The following IL1RAPL2 variants were observed in gnomAD, a reference collection of about 807,000 sequenced individuals.
IL1RAPL2 encodes the protein interleukin 1 receptor accessory protein like 2, also known as X-linked interleukin-1 receptor accessory protein-like 2.
A neutral mutation model predicts 44.1 loss-of-function variants in IL1RAPL2; 3 were observed. The observed-to-expected ratio is 0.07, with a 90% confidence interval of 0.03 to 0.18. The LOEUF (loss-of-function observed/expected upper bound fraction) is 0.18, where lower values mean the gene tolerates loss of function less well. IL1RAPL2 is among the 10% of genes least tolerant of loss of function. The pLI, the probability that IL1RAPL2 is intolerant of heterozygous loss-of-function variation, is 1.00. For synonymous variants in IL1RAPL2, 181 were observed against 178.8 expected (o/e 1.01, Z -0.10); for missense variants, 391 against 496.4 (o/e 0.79, Z 2.02).
intron 3 of IL1RAPL2, among the ~76,000 whole-genome samples, chrX:105,202,695 A>G (rs1429327321): frequency 9.0e-6 from 1 of 111,729 alleles, no homozygotes; most frequent in East Asian, 2.8e-4. Context: ...GTTCCAATTC[A>G]GTGGATCAAT....
chrX:104,937,348 C>T (rs1925053028), intron 2 of IL1RAPL2, among the ~76,000 whole-genome samples: 1 of 112,108 alleles, frequency 8.9e-6, no homozygotes, highest in African/African-American at 3.2e-5. Flanking sequence ...AGCTTTCCTC[C>T]AAAAGATGAT....
At chrX:104,582,731 C>CTT (rs1331958150) in intron 1 of IL1RAPL2, among the ~76,000 whole-genome samples, 3 of 76,997 alleles carry the variant, frequency 3.9e-5, no homozygotes, top group Admixed American at 1.5e-4. Context: ...CTCTCTCTCT[C>CTT]CCTTCCTTCC....
chrX:105,232,643 G>A (rs2034081173), intron 3 of IL1RAPL2, among the ~76,000 whole-genome samples: 1 of 111,863 alleles, frequency 8.9e-6, no homozygotes, highest in Admixed American at 9.5e-5. Context: ...GTAGGGTAGA[G>A]AAAGGTCATG....
At chrX:104,827,884 A>G (rs1307025196) in intron 2 of IL1RAPL2, among the ~76,000 whole-genome samples, 2 of 110,486 alleles carry the variant, frequency 1.8e-5, no homozygotes, top group African/African-American at 6.6e-5. Flanking sequence ...TTGATCTTCA[A>G]TCTCTGGTAC....
chrX:105,159,505 G>A (rs1163654681), intron 2 of IL1RAPL2, among the ~76,000 whole-genome samples: 3 of 112,446 alleles, frequency 2.7e-5, no homozygotes, highest in East Asian at 2.8e-4. Flanking sequence ...TGGTTTTTCT[G>A]TACCAAATCC....
intron 5 of IL1RAPL2, among the ~76,000 whole-genome samples, chrX:105,354,661 G>GAAAT (rs202132210): frequency 0.13 from 14,157 of 110,453 alleles, 2,262 homozygotes; most frequent in African/African-American, 0.44. Flanking sequence ...TACAAAAAAA[G>GAAAT]AAAACCTATA....
At chrX:104,796,767 G>T (rs974621515) in intron 2 of IL1RAPL2, among the ~76,000 whole-genome samples, 3 of 110,489 alleles carry the variant, frequency 2.7e-5, no homozygotes, top group African/African-American at 9.9e-5. Context: ...TTCTTTTTTT[G>T]TTTGTTTGTT....
intron 2 of IL1RAPL2, among the ~76,000 whole-genome samples, chrX:105,173,953 G>A (rs1022117654): frequency 3.6e-5 from 4 of 110,445 alleles, no homozygotes; most frequent in Non-Finnish European, 7.6e-5. Flanking sequence ...GGCTGGTCTC[G>A]AACTCCTGAG....
At chrX:105,284,836 G>C (rs909421311) in intron 5 of IL1RAPL2, among the ~76,000 whole-genome samples, 1 of 111,239 alleles carries the variant, frequency 9.0e-6, no homozygotes, top group Admixed American at 9.6e-5. Context: ...CAAGTTTAAT[G>C]ACTGAGTGAA....
intron 5 of IL1RAPL2, among the ~76,000 whole-genome samples, chrX:105,327,121 A>G (rs2034945434): frequency 8.9e-6 from 1 of 111,869 alleles, no homozygotes; most frequent in South Asian, 3.7e-4. Flanking sequence ...GTCAACCAAC[A>G]AATTGTTTTC....
chrX:104,900,676 A>G (rs1290821277), intron 2 of IL1RAPL2, among the ~76,000 whole-genome samples: 1 of 112,199 alleles, frequency 8.9e-6, no homozygotes, highest in Non-Finnish European at 1.9e-5. Flanking sequence ...GTTTTTTCTC[A>G]TGGTGATGGC....
chrX:105,028,231 A>G (rs2147750198), intron 2 of IL1RAPL2, among the ~76,000 whole-genome samples: 1 of 111,360 alleles, frequency 9.0e-6, no homozygotes, highest in Admixed American at 9.6e-5. Context: ...GGTACAAAAA[A>G]TAGTTAGAAA....
intron 6 of IL1RAPL2, among the ~76,000 whole-genome samples, chrX:105,608,196 A>G (rs917664182): frequency 8.1e-5 from 9 of 111,653 alleles, no homozygotes; most frequent in Non-Finnish European, 1.1e-4. Flanking sequence ...GTGAGTTAAA[A>G]TAAATCCGAT....
intron 2 of IL1RAPL2, among the ~76,000 whole-genome samples, chrX:105,124,640 C>A (rs777738878): frequency 9.0e-6 from 1 of 110,541 alleles, no homozygotes; most frequent in Non-Finnish European, 1.9e-5. Flanking sequence ...GACATTCTTG[C>A]ATGTTCAATC....
At chrX:104,962,835 C>G (rs2030034373) in intron 2 of IL1RAPL2, among the ~76,000 whole-genome samples, 1 of 112,141 alleles carries the variant, frequency 8.9e-6, no homozygotes, top group Admixed American at 9.5e-5. Context: ...CTCTGGGCCT[C>G]TGCTTCCCCT....
At chrX:104,629,204 T>C (rs772695597) in intron 1 of IL1RAPL2, among the ~76,000 whole-genome samples, 18 of 112,194 alleles carry the variant, frequency 1.6e-4, no homozygotes, top group Non-Finnish European at 3.0e-4. Flanking sequence ...CTTTTGTCAT[T>C]TTAATAATAA....
intron 2 of IL1RAPL2, among the ~76,000 whole-genome samples, chrX:105,000,785 A>G (rs1347942915): frequency 1.8e-5 from 2 of 111,902 alleles, no homozygotes; most frequent in African/African-American, 6.5e-5. Flanking sequence ...CTGATGTGTT[A>G]TATGAAGTCC....
intron 4 of IL1RAPL2, among the ~76,000 whole-genome samples, chrX:105,245,514 TAAG>T (rs2034211345): frequency 2.7e-5 from 3 of 112,415 alleles, no homozygotes; most frequent in Non-Finnish European, 1.9e-5. Context: ...CAAATTGAGA[TAAG>T]GAGAGGGGCT....
intron 2 of IL1RAPL2, among the ~76,000 whole-genome samples, chrX:105,007,655 G>A (rs900290136): frequency 3.6e-4 from 40 of 111,848 alleles, no homozygotes; most frequent in Non-Finnish European, 6.2e-4. Flanking sequence ...TTCATGCTAA[G>A]CACAGTGCCA....
Sources: gnomAD v4.1 joint callset for allele counts (sites outside exome capture counted in the v4.1 genomes callset) on GRCh38, gnomAD v4.1.1 for gene constraint, MANE v1.5 for transcripts, NCBI Gene and HGNC (gene_info 2026-07-23, HGNC 2026-07-21) for gene names.